The following FRMPD4 variants were observed in gnomAD, a reference collection of about 807,000 sequenced individuals.
FRMPD4 encodes the protein FERM and PDZ domain-containing protein 4.
A neutral mutation model predicts 94.1 loss-of-function variants in FRMPD4; 22 were observed. The observed-to-expected ratio is 0.23, with a 90% CI of 0.17 to 0.33. FRMPD4 has a LOEUF of 0.33. Among genes scored for constraint, FRMPD4 ranks in the 10% least tolerant of loss-of-function variants. The pLI is 1.00. For missense variants in FRMPD4, 1,111 were observed against 1,339.9 expected, an observed-to-expected ratio of 0.83 and a Z score of 2.67; for synonymous variants, 631 against 548.6, an observed-to-expected ratio of 1.15 and a Z score of -2.10.
intron 1 of FRMPD4, among the ~76,000 whole-genome samples, chrX:12,410,304 C>T (rs1776675066): frequency 8.9e-6 from 1 of 111,770 alleles, no homozygotes. Context: ...TTGTTTTACA[C>T]ACATTCATTT....
intron 1 of FRMPD4, among the ~76,000 whole-genome samples, chrX:12,414,200 G>C (rs1026687356): frequency 1.8e-5 from 2 of 112,286 alleles, no homozygotes; most frequent in African/African-American, 6.5e-5. Context: ...AATCAGATAG[G>C]TCCTCACTAA....
chrX:11,876,367 T>C (rs1049114822), intron 2 of FRMPD4, among the ~76,000 whole-genome samples: 2 of 109,584 alleles, frequency 1.8e-5, no homozygotes, highest in Admixed American at 1.9e-4. Context: ...TTTTTTTTTT[T>C]GCTTGAATCT....
chrX:12,621,816 AAAAAG>A (rs1168955624), intron 4 of FRMPD4, among the ~76,000 whole-genome samples: 2 of 53,536 alleles, frequency 3.7e-5, no homozygotes, highest in Non-Finnish European at 3.3e-5. Context: ...CCTGTTTCAA[AAAAAG>A]AAAAGAAAAG....
intron 1 of FRMPD4, among the ~76,000 whole-genome samples, chrX:12,432,116 T>G (rs2057017033): frequency 9.0e-6 from 1 of 111,555 alleles, no homozygotes; most frequent in South Asian, 3.8e-4. Context: ...CTATTCACCT[T>G]TCTTGGAACA....
At chrX:12,393,469 C>T (rs2056504045) in intron 1 of FRMPD4, among the ~76,000 whole-genome samples, 1 of 111,645 alleles carries the variant, frequency 9.0e-6, no homozygotes, top group African/African-American at 3.3e-5. Flanking sequence ...GCTTATCTTG[C>T]CCTCTGGGTT....
chrX:12,685,269 ACTC>A (rs768802164), intron 6 of FRMPD4, among the ~76,000 whole-genome samples: 4 of 111,486 alleles, frequency 3.6e-5, no homozygotes, highest in Non-Finnish European at 5.7e-5. Flanking sequence ...GTTCTCCTCA[ACTC>A]CTAGGACTTT....
intron 1 of FRMPD4, among the ~76,000 whole-genome samples, chrX:12,419,416 A>G (rs1051623132): frequency 3.5e-5 from 4 of 112,796 alleles, no homozygotes; most frequent in Non-Finnish European, 7.5e-5. Flanking sequence ...GTTTTGGAAA[A>G]TATGGTTATG....
At chrX:12,230,753 CT>C (rs1344346156) in intron 1 of FRMPD4, among the ~76,000 whole-genome samples, 4 of 103,512 alleles carry the variant, frequency 3.9e-5, no homozygotes, top group Non-Finnish European at 7.8e-5. Flanking sequence ...TTTCTAGTTA[CT>C]TCTAGTCTGC....
intron 1 of FRMPD4, among the ~76,000 whole-genome samples, chrX:12,312,972 G>T (rs1342852189): frequency 9.0e-6 from 1 of 111,438 alleles, no homozygotes; most frequent in Admixed American, 9.5e-5. Flanking sequence ...GGAAGACTAT[G>T]GGGGAGCGAT....
intron 1 of FRMPD4, among the ~76,000 whole-genome samples, chrX:12,190,170 T>C (rs1209741874): frequency 9.0e-6 from 1 of 111,373 alleles, no homozygotes; most frequent in African/African-American, 3.2e-5. Context: ...ATACAAGATC[T>C]GTATGAGGAA....
intron 4 of FRMPD4, among the ~76,000 whole-genome samples, chrX:12,644,937 A>T (rs1158386010): frequency 8.9e-6 from 1 of 111,805 alleles, no homozygotes; most frequent in Non-Finnish European, 1.9e-5. Flanking sequence ...ATGCAAACTG[A>T]CTACTTAACC....
chrX:12,519,864 T>C (rs2058142822), intron 2 of FRMPD4, among the ~76,000 whole-genome samples: 1 of 111,766 alleles, frequency 8.9e-6, no homozygotes, highest in Non-Finnish European at 1.9e-5. Flanking sequence ...CCACATACGT[T>C]AGGATAGCTA....
intron 1 of FRMPD4, among the ~76,000 whole-genome samples, chrX:12,276,268 C>T (rs1288624130): frequency 8.9e-6 from 1 of 112,063 alleles, no homozygotes. Context: ...GAGCCAAATA[C>T]GAGTGACCAA....
At position 11,953,684 on chromosome X, in the gene FRMPD4, G is replaced by C. The variant is rs1204610976; in HGVS notation, c.95+75666G>C. On this transcript the variant is annotated intron_variant, in intron 3 of 18. Transcript: ENST00000640291. ...AAGAAGGAATAAACAAGGCTAGAAAGAACCAGACATGGGGAGAGCGATGAG... is the reference window on the plus strand; with the variant it reads ...AAGAAGGAATAAACAAGGCTAGAAACAACCAGACATGGGGAGAGCGATGAG... 2.7e-5 allele frequency among the ~76,000 whole-genome samples: 3 copies of C among 111,588 alleles called. No individual in the cohort carries two copies. In the East Asian group the frequency reaches 8.4e-4, roughly 31 times the overall value.
At chrX:11,847,921 T>TC (rs1367293009) in intron 1 of FRMPD4, among the ~76,000 whole-genome samples, 1 of 98,794 alleles carries the variant, frequency 1.0e-5, no homozygotes, top group African/African-American at 3.8e-5. Flanking sequence ...TTAGGAGATA[T>TC]ACCTAATGCT....
rs769706353 is a variant in FRMPD4, at chrX:11,838,110, CA to C, written c.-161+15397del. 9.9e-5 allele frequency among the ~76,000 whole-genome samples: 11 copies of C among 111,428 alleles called. No individual in the cohort carries two copies. In the East Asian group the frequency reaches 2.0e-3, roughly 20 times the overall value. On this transcript the variant is annotated intron_variant, in intron 1 of 18. Transcript: ENST00000640291. ...TGGCACCTTGTCTAGATTGATACCA[CA>C]AGTGTTCTTTTCTAATAAAGTTAAT...
At chrX:11,931,766 A>G (rs941382050) in intron 3 of FRMPD4, among the ~76,000 whole-genome samples, 2 of 112,311 alleles carry the variant, frequency 1.8e-5, no homozygotes, top group Admixed American at 9.5e-5. Context: ...CTATTTTTGA[A>G]AAGTTGCACT....
chrX:12,373,153 T>C (rs2056185948), intron 1 of FRMPD4: 1 of 112,290 alleles, frequency 8.9e-6, no homozygotes, highest in Non-Finnish European at 1.9e-5. Flanking sequence ...ATAATCACAA[T>C]ATGCACAACC....
chrX:12,489,700 G>T (rs1209353631), intron 1 of FRMPD4, among the ~76,000 whole-genome samples: 1 of 111,968 alleles, frequency 8.9e-6, no homozygotes, highest in East Asian at 2.8e-4. Context: ...CAACAGACTG[G>T]GTCCTAAATG....
Sources: allele counts gnomAD v4.1 joint callset (sites outside exome capture counted in the v4.1 genomes callset), GRCh38; gene constraint gnomAD v4.1.1; transcripts MANE v1.5; gene names NCBI Gene and HGNC (gene_info 2026-07-23, HGNC 2026-07-21).